IKZF2: variants seen among roughly 807,000 people sequenced by gnomAD.
The protein encoded by IKZF2 is zinc finger protein Helios.
In IKZF2, 15 loss-of-function variants were observed where a neutral mutation model predicts 49.2. That is an observed-to-expected ratio of 0.30 (90% CI 0.20 to 0.47). The LOEUF (loss-of-function observed/expected upper bound fraction) is 0.47. IKZF2 is among the 20% of genes least tolerant of loss of function. The pLI is 1.00. For missense variants in IKZF2, 567 were observed against 664.6 expected (o/e 0.85, Z 1.61); for synonymous variants, 227 against 221.4 (o/e 1.03, Z -0.23).
intron 4 of IKZF2, among the ~76,000 whole-genome samples, chr2:213,139,569 G>A (rs568569270): frequency 6.6e-6 from 1 of 151,934 alleles, no homozygotes; most frequent in East Asian, 1.9e-4. Flanking sequence ...GTGTGTGTGT[G>A]TGTGCTTTAT....
chr2:213,030,604 T>C (rs1411932690), intron 6 of IKZF2, among the ~76,000 whole-genome samples: 1 of 152,182 alleles, frequency 6.6e-6, no homozygotes, highest in Non-Finnish European at 1.5e-5. Flanking sequence ...TCAGAGGTTC[T>C]TTTGGATGTT....
intron 5 of IKZF2, among the ~76,000 whole-genome samples, chr2:213,051,347 G>C: frequency 6.6e-6 from 1 of 151,842 alleles, no homozygotes; most frequent in East Asian, 1.9e-4. Flanking sequence ...ATACCAAAAA[G>C]GTGTAATCTG....
In IKZF2 at chr2:213,065,442, G is replaced by A. The variant is rs140138618; in HGVS notation, c.140-8343C>T. On this transcript the variant is annotated intron_variant, in intron 4 of 8. Transcript: ENST00000434687. Reference sequence around the variant, plus strand: ...ATGTATTTGTTGAACCAGTGCTGCTGATTTACGTATGATATTTCTGTTTTT... The same window carrying A: ...ATGTATTTGTTGAACCAGTGCTGCTAATTTACGTATGATATTTCTGTTTTT... Among the ~76,000 whole-genome samples, 27 of 152,122 alleles carry A rather than the reference G, an allele frequency of 1.8e-4. 1 individual carries two copies. The East Asian group carries it at 4.8e-3, about 27-fold the overall frequency.
At chr2:213,094,755 C>A (rs1705776532) in intron 4 of IKZF2, among the ~76,000 whole-genome samples, 3 of 151,998 alleles carry the variant, frequency 2.0e-5, no homozygotes, top group Admixed American at 2.0e-4. Flanking sequence ...TGCATATCAG[C>A]CACAGGTAAA....
At position 213,064,239 on chromosome 2, in the gene IKZF2, C is replaced by T. The variant is rs555124445; in HGVS notation, c.140-7140G>A. Reference sequence around the variant, plus strand: ...ATATTATCAATTTTAATCTCTAAACCAATAGTTTATGAAGGATAGCATTTC... The same window carrying T: ...ATATTATCAATTTTAATCTCTAAACTAATAGTTTATGAAGGATAGCATTTC... On this transcript the variant is annotated intron_variant, in intron 4 of 8. Coordinates refer to ENST00000434687, the MANE Select transcript of IKZF2 (RefSeq NM_001387220.1). Among the ~76,000 whole-genome samples the T allele has an allele frequency of 7.2e-4, 110 of 151,836 alleles. 2 individuals carry two copies. The South Asian group carries it at 0.022, about 30-fold the overall frequency.
chr2:213,072,379 C>T (rs181918482), intron 4 of IKZF2, among the ~76,000 whole-genome samples: 13 of 149,890 alleles, frequency 8.7e-5, no homozygotes, highest in Admixed American at 1.3e-4. Context: ...CTCATTTTGT[C>T]GCCAGCAAAT....
At chr2:213,016,348 T>C (rs531610003) in intron 7 of IKZF2, among the ~76,000 whole-genome samples, 1 of 152,256 alleles carries the variant, frequency 6.6e-6, no homozygotes, top group East Asian at 1.9e-4. Flanking sequence ...CTCCAGAGCC[T>C]GGCTCAACCA....
intron 4 of IKZF2, among the ~76,000 whole-genome samples, chr2:213,106,755 A>G (rs963206467): frequency 6.6e-6 from 1 of 152,142 alleles, no homozygotes; most frequent in Non-Finnish European, 1.5e-5. Context: ...GAAAAATCTA[A>G]AAGTGAAACA....
chr2:213,022,289 C>T (rs1490872353), intron 6 of IKZF2, among the ~76,000 whole-genome samples, 159 bp from the exon 7 acceptor site: 2 of 152,170 alleles, frequency 1.3e-5, no homozygotes, highest in Non-Finnish European at 2.9e-5. Context: ...AAAGATAATA[C>T]ATTTCTACCA....
Position 213,006,543 on chromosome 2 carries a change from C to CTT in IKZF2, c.*815_*816dup, listed in dbSNP as rs1302823745. 1.3e-5 allele frequency: 2 copies of CTT among 152,424 alleles called. No homozygotes were observed. The highest frequency in any genetic ancestry group is 2.9e-5 in the Non-Finnish European group (2 of 67,962). 9.4% of individuals were successfully genotyped at this position (152,424 alleles called of 1,614,324 possible). On this transcript the variant is annotated 3_prime_UTR_variant, in exon 9 of 9. Transcript: ENST00000434687. Reference sequence around the variant, plus strand: ...GTCCCTCCCAGAAATTATTGACTGCCTTTTATCCACTCTTAGACCATATGT... The same window carrying CTT: ...GTCCCTCCCAGAAATTATTGACTGCCTTTTTTATCCACTCTTAGACCATATGT...
intron 5 of IKZF2, among the ~76,000 whole-genome samples, chr2:213,054,233 G>T (rs1385624082): frequency 1.3e-5 from 2 of 151,792 alleles, no homozygotes; most frequent in African/African-American, 4.8e-5. Context: ...GACAGAGCAA[G>T]ACTCCAACTC....
At chr2:213,078,070 C>T (rs1703477912) in intron 4 of IKZF2, among the ~76,000 whole-genome samples, 1 of 152,012 alleles carries the variant, frequency 6.6e-6, no homozygotes, top group South Asian at 2.1e-4. Flanking sequence ...CACTGATAAA[C>T]GCACATATTC....
At chr2:213,055,527 T>C (rs1701062023) in intron 5 of IKZF2, among the ~76,000 whole-genome samples, 1 of 152,102 alleles carries the variant, frequency 6.6e-6, no homozygotes, top group Non-Finnish European at 1.5e-5. Context: ...AAGCTGATGA[T>C]TTTGATTATG....
At chr2:213,050,832 T>C (rs945455738) in intron 5 of IKZF2, among the ~76,000 whole-genome samples, 4 of 151,984 alleles carry the variant, frequency 2.6e-5, no homozygotes, top group Non-Finnish European at 4.4e-5. Flanking sequence ...TATCAAACCA[T>C]AAAGAAAATG....
intron 4 of IKZF2, among the ~76,000 whole-genome samples, chr2:213,073,933 G>A (rs938377590): frequency 7.9e-5 from 12 of 152,222 alleles, no homozygotes; most frequent in Admixed American, 7.8e-4. Flanking sequence ...ATTTGACCCA[G>A]CTCCTATAAT....
intron 6 of IKZF2, among the ~76,000 whole-genome samples, chr2:213,023,826 C>A (rs1033413648): frequency 6.6e-6 from 1 of 152,108 alleles, no homozygotes; most frequent in East Asian, 1.9e-4. Flanking sequence ...CGGGTCTTCC[C>A]TGGTATTAGT....
At chr2:213,135,612 G>A (rs1381227483) in intron 4 of IKZF2, among the ~76,000 whole-genome samples, 3 of 151,324 alleles carry the variant, frequency 2.0e-5, no homozygotes, top group Non-Finnish European at 4.4e-5. Flanking sequence ...TTGAGCCCAG[G>A]AGTTCCAGGC....
chr2:213,116,205 T>C (rs901499506), intron 4 of IKZF2, among the ~76,000 whole-genome samples: 53 of 152,336 alleles, frequency 3.5e-4, no homozygotes, highest in African/African-American at 1.1e-3. Flanking sequence ...AATTACTCTG[T>C]AGCTGTTAAT....
chr2:213,089,525 T>C (rs559528438), intron 4 of IKZF2, among the ~76,000 whole-genome samples: 3 of 152,168 alleles, frequency 2.0e-5, no homozygotes, highest in Non-Finnish European at 4.4e-5. Flanking sequence ...ACTGGTACCC[T>C]TGCTGTTCCT....
Sources: gnomAD v4.1 joint callset for allele counts (sites outside exome capture counted in the v4.1 genomes callset) on GRCh38, gnomAD v4.1.1 for gene constraint, MANE v1.5 for transcripts, NCBI Gene and HGNC (gene_info 2026-07-23, HGNC 2026-07-21) for gene names.